CDH22: variants seen among roughly 807,000 people sequenced by gnomAD.
The protein encoded by CDH22 is cadherin 22.
CDH22 carries 30 observed loss-of-function variants against 58.4 expected under a neutral mutation model. That is an observed-to-expected ratio of 0.51 (90% CI 0.38 to 0.70). The LOEUF (loss-of-function observed/expected upper bound fraction) is 0.70, where lower values mean the gene tolerates loss of function less well. Among genes scored for constraint, CDH22 ranks in the 30% least tolerant of loss-of-function variants. CDH22 has a pLI of 0.00. For synonymous variants in CDH22, 513 were observed against 558.2 expected (o/e 0.92, Z 1.14); for missense variants, 1,014 against 1,233.9 (o/e 0.82, Z 2.67).
At chr20:46,188,975 A>T (rs57288679) in intron 8 of CDH22, among the ~76,000 whole-genome samples, 28,551 of 141,584 alleles carry the variant, frequency 0.2, 5,903 homozygotes, top group African/African-American at 0.51. Flanking sequence ...AGGCTCCCCA[A>T]GAGTTTCACG....
At position 46,216,030 on chromosome 20, in the gene CDH22, G is replaced by A. The variant is rs545692597; in HGVS notation, c.838+796C>T. ...AAGGGATTGGATTCCCTTATCTCTC[G>A]GGGGTCAGTCCCCTGTGGCGGGGCC... On this transcript the variant is annotated intron_variant, in intron 5 of 11. Coordinates refer to ENST00000537909, the MANE Select transcript of CDH22 (RefSeq NM_021248.3). This position sits in a 1 kb window ranked among gnomAD's most constrained non-coding sequence, Gnocchi z 5.3. Among the ~76,000 whole-genome samples, 10 of 152,220 alleles carry A rather than the reference G, an allele frequency of 6.6e-5. No homozygotes were observed. The highest frequency in any genetic ancestry group is 1.5e-4 in the Non-Finnish European group (10 of 68,034).
At chr20:46,287,910 G>A (rs891967586) in intron 1 of CDH22, among the ~76,000 whole-genome samples, 4 of 152,028 alleles carry the variant, frequency 2.6e-5, no homozygotes, top group Non-Finnish European at 5.9e-5. Context: ...CTTGAAGTAG[G>A]TGGGGGCAGT....
intron 1 of CDH22, among the ~76,000 whole-genome samples, chr20:46,288,996 G>A (rs1036353738): frequency 7.2e-5 from 11 of 152,224 alleles, no homozygotes; most frequent in South Asian, 2.1e-4. Flanking sequence ...TGTCTTACTC[G>A]GAGTAAAATG....
rs191328997 is a variant in CDH22, at chr20:46,217,028, A to C, written c.671-35T>G. The C allele has an allele frequency of 1.7e-5, 27 of 1,565,872 alleles. No individual in the cohort carries two copies. In the African/African-American group the frequency reaches 3.4e-4, roughly 20 times the overall value. On this transcript the variant is annotated intron_variant, in intron 4 of 11. Transcript: ENST00000537909. ...AGTGAGGGTGAGGCCAGGGCACCCC[A>C]CACCACCTGCCCACTGATGTGGAGA...
chr20:46,202,547 G>A (rs542723691), intron 7 of CDH22, among the ~76,000 whole-genome samples: 5 of 152,020 alleles, frequency 3.3e-5, no homozygotes, highest in African/African-American at 1.2e-4. Flanking sequence ...TAGAGACGGG[G>A]TTTCACCTTG....
rs1420127399 is a variant in CDH22, at chr20:46,241,884, G to T, written c.256-627C>A. On this transcript the variant is annotated intron_variant, in intron 2 of 11. Coordinates refer to ENST00000537909, the MANE Select transcript of CDH22 (RefSeq NM_021248.3). The surrounding 1 kb of genome is among the most constrained non-coding windows in gnomAD (Gnocchi z 5.2). ...TTAAAATGCAGATTCTGACTCAGTA[G>T]GTCTGGGGCCAGGCCTCAGACTTTG... Among the ~76,000 whole-genome samples, 1 of 152,124 alleles carries T rather than the reference G, an allele frequency of 6.6e-6. No individual in the cohort carries two copies. The highest frequency in any genetic ancestry group is 1.5e-5 in the Non-Finnish European group (1 of 68,018).
intron 4 of CDH22, among the ~76,000 whole-genome samples, chr20:46,223,695 TTCTTTC>T (rs1429252372): frequency 2.7e-5 from 2 of 74,708 alleles, no homozygotes; most frequent in African/African-American, 1.1e-4. Context: ...CTTTCTTTCT[TTCTTTC>T]TTTCTTTCTT....
At chr20:46,181,530 G>A (rs551304071) in intron 10 of CDH22, among the ~76,000 whole-genome samples, 2 of 152,106 alleles carry the variant, frequency 1.3e-5, no homozygotes, top group East Asian at 1.9e-4. Flanking sequence ...GGAGGCAGGC[G>A]GTCATTGTGG....
chr20:46,265,738 A>G (rs1334531833), intron 1 of CDH22, among the ~76,000 whole-genome samples: 2 of 152,044 alleles, frequency 1.3e-5, no homozygotes, highest in Non-Finnish European at 2.9e-5. Context: ...ATAGTACTCC[A>G]TTGCATGAAT....
At chr20:46,229,121 C>T (rs936910719) in intron 3 of CDH22, among the ~76,000 whole-genome samples, 1 of 152,142 alleles carries the variant, frequency 6.6e-6, no homozygotes, top group Non-Finnish European at 1.5e-5. Context: ...CAAGCCCCTT[C>T]CCTCCAGATG....
At chr20:46,249,962 C>T (rs1261071806) in intron 2 of CDH22, among the ~76,000 whole-genome samples, 1 of 152,196 alleles carries the variant, frequency 6.6e-6, no homozygotes, top group African/African-American at 2.4e-5. Context: ...ATTGCCTACT[C>T]AGTGCCTGGT....
At chr20:46,306,221 C>A (rs1302198338) in intron 1 of CDH22, among the ~76,000 whole-genome samples, 1 of 152,250 alleles carries the variant, frequency 6.6e-6, no homozygotes, top group Non-Finnish European at 1.5e-5. Context: ...CTCTGTTTTG[C>A]CCCAGGCCTA....
At chr20:46,181,752 C>CTTCGTTCGTTCTTTCTTTCT in intron 10 of CDH22, among the ~76,000 whole-genome samples, 2 of 26,270 alleles carry the variant, frequency 7.6e-5, no homozygotes, top group Non-Finnish European at 1.7e-4. Context: ...TCCTTCCTTC[C>CTTCGTTCGTTCTTTCTTTCT]TTCTTTCTTT....
rs534518177 is a variant in CDH22, at chr20:46,289,282, A to C, written c.-400+18973T>G. Among the ~76,000 whole-genome samples, 43 of 152,234 alleles carry C rather than the reference A, an allele frequency of 2.8e-4. 1 individual carries two copies. In the South Asian group the frequency reaches 8.3e-3, roughly 29 times the overall value. On this transcript the variant is annotated intron_variant, in intron 1 of 11. Coordinates refer to ENST00000537909, the MANE Select transcript of CDH22 (RefSeq NM_021248.3). Reference sequence around the variant, plus strand: ...ACAACCTGTGATAAACTAGCTCCTCAGTTCCCCAGGCCATTCATATCCCCT... The same window carrying C: ...ACAACCTGTGATAAACTAGCTCCTCCGTTCCCCAGGCCATTCATATCCCCT...
chr20:46,242,543 G>C (rs1273880287), intron 2 of CDH22, among the ~76,000 whole-genome samples: 2 of 152,210 alleles, frequency 1.3e-5, no homozygotes, highest in Non-Finnish European at 2.9e-5. Context: ...GCCACCAAGT[G>C]ACATTTACAA....
At chr20:46,256,161 ACT>A (rs1568675726) in intron 1 of CDH22, among the ~76,000 whole-genome samples, 1 of 151,908 alleles carries the variant, frequency 6.6e-6, no homozygotes, top group Non-Finnish European at 1.5e-5. Context: ...ATGAGTTTCC[ACT>A]CTGTGTTGTT....
intron 1 of CDH22, among the ~76,000 whole-genome samples, chr20:46,279,627 A>G (rs2086539289): frequency 6.6e-6 from 1 of 152,220 alleles, no homozygotes; most frequent in African/African-American, 2.4e-5. Context: ...AAGTCTAAAA[A>G]TGGTCTGCAG....
chr20:46,179,959 G>A (rs1052461452), intron 10 of CDH22, among the ~76,000 whole-genome samples: 1 of 148,872 alleles, frequency 6.7e-6, no homozygotes, highest in Non-Finnish European at 1.5e-5. Context: ...TTCCTCATCC[G>A]TCATGCTCCA....
chr20:46,243,563 C>T (rs1307920659), intron 2 of CDH22, among the ~76,000 whole-genome samples: 6 of 152,092 alleles, frequency 3.9e-5, no homozygotes, highest in African/African-American at 1.2e-4. Context: ...GTTTAATGCC[C>T]CCAATAAAAT....
Sources: allele counts gnomAD v4.1 joint callset (sites outside exome capture counted in the v4.1 genomes callset), GRCh38; gene constraint gnomAD v4.1.1; non-coding constraint Gnocchi (gnomAD v3.1); transcripts MANE v1.5; gene names NCBI Gene and HGNC (gene_info 2026-07-23, HGNC 2026-07-21).